MAP3K7CL: variants seen among roughly 807,000 people sequenced by gnomAD.
The protein encoded by MAP3K7CL is MAP3K7 C-terminal like.
MAP3K7CL carries 16 observed loss-of-function variants against 18.6 expected under a neutral mutation model. The ratio of observed to expected loss-of-function variants is 0.86; its 90% CI spans 0.58 to 1.31. The LOEUF is 1.31. MAP3K7CL is among the 50% of genes most tolerant of loss of function. The probability of loss-of-function intolerance (pLI) is 0.00; values close to 1 mark genes in which losing one functional copy is unlikely to be tolerated. For synonymous variants in MAP3K7CL, 65 were observed against 66.8 expected (o/e 0.97, Z 0.13); for missense variants, 163 against 174.4 (o/e 0.93, Z 0.37).
chr21:29,109,319 T>A, intron 4 of MAP3K7CL: 1 of 1,431,696 alleles, frequency 7.0e-7, no homozygotes, highest in Non-Finnish European at 9.1e-7. Context: ...CCATGATCAC[T>A]ATTCCTTCTA....
intron 4 of MAP3K7CL, among the ~76,000 whole-genome samples, chr21:29,105,728 G>C (rs190258694): frequency 1.1e-3 from 160 of 152,236 alleles, no homozygotes; most frequent in African/African-American, 3.6e-3. Flanking sequence ...AGGGGCCAGT[G>C]GGGGAGGAGG....
chr21:29,144,431 C>T (rs913443657), intron 2 of MAP3K7CL, among the ~76,000 whole-genome samples: 3 of 152,168 alleles, frequency 2.0e-5, no homozygotes, highest in Non-Finnish European at 4.4e-5. Flanking sequence ...TCCCAAAGTG[C>T]TAGGATTACA....
upstream of MAP3K7CL, among the ~76,000 whole-genome samples, chr21:29,128,580 G>A (rs2086721960): frequency 6.6e-6 from 1 of 152,200 alleles, no homozygotes; most frequent in Non-Finnish European, 1.5e-5. Flanking sequence ...GGGATTACAG[G>A]CGTGAGCCAC....
At chr21:29,169,031 C>T (rs2087759202) in intron 4 of MAP3K7CL, among the ~76,000 whole-genome samples, 1 of 152,150 alleles carries the variant, frequency 6.6e-6, no homozygotes, top group African/African-American at 2.4e-5. Context: ...CCACACCTGC[C>T]CCACCCTACA....
At chr21:29,093,469 TTTTG>T (rs777312101) in intron 4 of MAP3K7CL, among the ~76,000 whole-genome samples, 33 of 151,960 alleles carry the variant, frequency 2.2e-4, no homozygotes, top group African/African-American at 4.8e-4. Context: ...ACCTAGGTTT[TTTTG>T]TTTGTTTGTT....
At chr21:29,147,406 G>A (rs1228668928) in intron 2 of MAP3K7CL, among the ~76,000 whole-genome samples, 1 of 151,632 alleles carries the variant, frequency 6.6e-6, no homozygotes, top group East Asian at 1.9e-4. Flanking sequence ...GCATATATAT[G>A]TGTACAGTAT....
intron 4 of MAP3K7CL, among the ~76,000 whole-genome samples, chr21:29,161,317 A>C (rs1010471798): frequency 6.6e-6 from 1 of 152,132 alleles, no homozygotes; most frequent in Non-Finnish European, 1.5e-5. Context: ...ATCTCAAAAA[A>C]AACAATTTTT....
At chr21:29,132,758 C>T (rs2146626246) in intron 1 of MAP3K7CL, among the ~76,000 whole-genome samples, 1 of 152,234 alleles carries the variant, frequency 6.6e-6, no homozygotes, top group South Asian at 2.1e-4. Flanking sequence ...GATCTGCCTG[C>T]CTCGGCCTCC....
At chr21:29,087,589 CTTTTTTTTTTTTT>C (rs56775764) in intron 1 of MAP3K7CL, among the ~76,000 whole-genome samples, 4 of 104,354 alleles carry the variant, frequency 3.8e-5, no homozygotes, top group African/African-American at 1.6e-4. Flanking sequence ...TTTTCTTTTT[CTTTTTTTTTTTTT>C]TTTTTTTTTG....
At chr21:29,102,669 G>T (rs1009217326) in intron 4 of MAP3K7CL, 1 of 151,982 alleles carries the variant, frequency 6.6e-6, no homozygotes, top group Non-Finnish European at 1.5e-5. Flanking sequence ...AGCCCCAAAA[G>T]GGGGGAGACT....
intron 1 of MAP3K7CL, among the ~76,000 whole-genome samples, chr21:29,131,815 A>G (rs192047532): frequency 1.3e-5 from 2 of 150,666 alleles, no homozygotes; most frequent in African/African-American, 4.8e-5. Context: ...CTAAATATAC[A>G]TGTATATATA....
At chr21:29,169,862 G>A (rs1267946579) in intron 4 of MAP3K7CL, among the ~76,000 whole-genome samples, 1 of 152,220 alleles carries the variant, frequency 6.6e-6, no homozygotes, top group Admixed American at 6.5e-5. Flanking sequence ...TTAGGATGGA[G>A]GCAACAGATG....
intron 3 of MAP3K7CL, chr21:29,092,323 A>C: frequency 1.9e-6 from 2 of 1,076,776 alleles, no homozygotes; most frequent in Middle Eastern, 2.1e-4. Context: ...ACCCTCTCTA[A>C]AGAGGAGGCA....
chr21:29,151,988 ATT>A (rs200748163), intron 3 of MAP3K7CL, among the ~76,000 whole-genome samples: 1 of 151,596 alleles, frequency 6.6e-6, no homozygotes, highest in African/African-American at 2.4e-5. Flanking sequence ...CATGGTTTTG[ATT>A]TTTTTTTCCC....
intron 4 of MAP3K7CL, among the ~76,000 whole-genome samples, chr21:29,164,858 C>T (rs1021345284): frequency 6.6e-6 from 1 of 151,972 alleles, no homozygotes; most frequent in Non-Finnish European, 1.5e-5. Flanking sequence ...TCATTTTTAT[C>T]TAATTCTTTC....
chr21:29,097,971 T>C (rs2086152338), intron 4 of MAP3K7CL, among the ~76,000 whole-genome samples: 1 of 152,184 alleles, frequency 6.6e-6, no homozygotes, highest in Non-Finnish European at 1.5e-5. Flanking sequence ...AAATCTAGGT[T>C]GTATATTACC....
chr21:29,115,144 G>A (rs1258215587), intron 4 of MAP3K7CL, among the ~76,000 whole-genome samples: 1 of 152,082 alleles, frequency 6.6e-6, no homozygotes, highest in Non-Finnish European at 1.5e-5. Context: ...CATCATGCCG[G>A]GCTAACTTGG....
rs538333034 is a variant in MAP3K7CL, at chr21:29,109,755, A to T, written c.370+17174A>T. Reference sequence around the variant, plus strand: ...ATATCTCAAGCTGGCCCTAGGCAAAATTGTACAATGGTCTAATAAAGTGTC... The same window carrying T: ...ATATCTCAAGCTGGCCCTAGGCAAATTTGTACAATGGTCTAATAAAGTGTC... On this transcript the variant is annotated intron_variant, in intron 4 of 6. Transcript: ENST00000286791. The T allele has an allele frequency of 3.0e-6, 3 of 985,654 alleles. No homozygotes were observed. The Admixed American group carries it at 1.8e-4, about 60-fold the overall frequency. 61.1% of individuals were successfully genotyped at this position (985,654 alleles called of 1,614,324 possible).
At chr21:29,097,420 A>G (rs1451963796) in intron 4 of MAP3K7CL, among the ~76,000 whole-genome samples, 4 of 152,188 alleles carry the variant, frequency 2.6e-5, no homozygotes, top group African/African-American at 7.2e-5. Flanking sequence ...AAATATTACT[A>G]TTGTTCATAA....
Sources: allele counts gnomAD v4.1 joint callset (sites outside exome capture counted in the v4.1 genomes callset), GRCh38; gene constraint gnomAD v4.1.1; transcripts MANE v1.5; gene names NCBI Gene and HGNC (gene_info 2026-07-23, HGNC 2026-07-21).